Variants in UGGT2 observed in about 807,000 individuals in gnomAD.
The protein encoded by UGGT2 is UDP-glucose glycoprotein glucosyltransferase 2.
UGGT2 carries 180 observed loss-of-function variants against 192.1 expected under a neutral mutation model. The ratio of observed to expected loss-of-function variants is 0.94; its 90% CI spans 0.83 to 1.06. The LOEUF is 1.06. Ranked by LOEUF, UGGT2 falls within the 50% of genes least tolerant of loss-of-function variation. The pLI is 0.00. For synonymous variants in UGGT2, 580 were observed against 591.0 expected (o/e 0.98, Z 0.27); for missense variants, 1,849 against 1,795.7 (o/e 1.03, Z -0.54).
chr13:95,949,790 A>C (rs940596071), intron 12 of UGGT2, among the ~76,000 whole-genome samples: 3 of 152,224 alleles, frequency 2.0e-5, no homozygotes, highest in Non-Finnish European at 4.4e-5. Context: ...CAGTAAATGA[A>C]GCCCTCTCCA....
chr13:95,857,520 T>C (rs1889732465), intron 33 of UGGT2, among the ~76,000 whole-genome samples: 1 of 152,166 alleles, frequency 6.6e-6, no homozygotes. Flanking sequence ...TGTATAATTT[T>C]AGCAAATATT....
At chr13:95,903,101 A>G in intron 20 of UGGT2, 41 bp from the exon 21 acceptor site, 1 of 1,554,868 alleles carries the variant, frequency 6.4e-7, no homozygotes, top group East Asian at 2.3e-5. Context: ...AGTATCATAC[A>G]TATCATTTTA....
intron 10 of UGGT2, among the ~76,000 whole-genome samples, chr13:95,979,691 A>ATTT (rs2051054549): frequency 6.6e-6 from 1 of 152,098 alleles, no homozygotes; most frequent in South Asian, 2.1e-4. Context: ...CCTTAAATTA[A>ATTT]AAAGGACAGC....
intron 2 of UGGT2, among the ~76,000 whole-genome samples, chr13:96,031,022 T>A (rs1013877117): frequency 6.6e-6 from 1 of 152,186 alleles, no homozygotes; most frequent in South Asian, 2.1e-4. Context: ...AACAGCAAGA[T>A]TGAACCCTAA....
rs557523367 is a variant in UGGT2 at position 95,919,912 on chromosome 13, AAAG to A, written c.2295+5765_2295+5767del. Reference sequence around the variant, plus strand: ...GAATAGTCAAGCCAATCCTAAGAAAAAAGAACAAAGCTGGAGGTATCATGCTAC... The same window carrying A: ...GAATAGTCAAGCCAATCCTAAGAAAAAACAAAGCTGGAGGTATCATGCTAC... On this transcript the variant is annotated intron_variant, in intron 20 of 38. Transcript: ENST00000376747. Among the ~76,000 whole-genome samples, 399 of 152,338 alleles carry A rather than the reference AAAG, an allele frequency of 2.6e-3. 1 individual carries two copies. The highest frequency in any genetic ancestry group is 9.2e-3 in the African/African-American group (384 of 41,574).
At chr13:95,981,141 G>GT (rs1566790114) in intron 10 of UGGT2, among the ~76,000 whole-genome samples, 1 of 152,154 alleles carries the variant, frequency 6.6e-6, no homozygotes, top group East Asian at 1.9e-4. Context: ...GAGCTCTGCA[G>GT]TACCCCCAAG....
At chr13:95,891,446 C>A (rs987850373) in intron 24 of UGGT2, among the ~76,000 whole-genome samples, 3 of 151,890 alleles carry the variant, frequency 2.0e-5, no homozygotes, top group Admixed American at 6.6e-5. Flanking sequence ...TATTTTGATC[C>A]CAGTCTTCCT....
chr13:96,045,548 C>T lies in UGGT2; in HGVS notation c.158+7607G>A, dbSNP rs552677437. Among the ~76,000 whole-genome samples, 14 of 152,212 alleles carry T rather than the reference C, an allele frequency of 9.2e-5. No individual in the cohort carries two copies. The South Asian group carries it at 1.0e-3, about 11-fold the overall frequency. ...ATCAGTAAAGAGGAAGTCAAACTGT[C>T]GCTGTTAACTGATGATACGATTATA... On this transcript the variant is annotated intron_variant, in intron 1 of 38. Transcript: ENST00000376747.
At chr13:95,934,574 G>C (rs1334795242) in intron 17 of UGGT2, among the ~76,000 whole-genome samples, 1 of 152,116 alleles carries the variant, frequency 6.6e-6, no homozygotes, top group East Asian at 1.9e-4. Flanking sequence ...AAAGCACAGA[G>C]TGGCAAGTTG....
rs1566782660 is a variant in UGGT2 at position 95,974,971 on chromosome 13, C to T, written c.1093-2300G>A. Among the ~76,000 whole-genome samples, 5 of 151,920 alleles carry T rather than the reference C, an allele frequency of 3.3e-5. No homozygotes were observed. The South Asian group carries it at 1.0e-3, about 32-fold the overall frequency. ...GTGGTGCATGCCTGTAGTCCCAGTA[C>T]TCGGGAGGCTGAGGCAAGAGAATCG... On this transcript the variant is annotated intron_variant, in intron 10 of 38. Coordinates refer to ENST00000376747, the MANE Select transcript of UGGT2 (RefSeq NM_020121.4).
At chr13:95,844,308 T>C (rs1268454188) in intron 36 of UGGT2, among the ~76,000 whole-genome samples, 1 of 152,144 alleles carries the variant, frequency 6.6e-6, no homozygotes, top group African/African-American at 2.4e-5. Flanking sequence ...AATTTTAGAA[T>C]CAACTTCATT....
chr13:96,026,642 T>C (rs1411891644), intron 2 of UGGT2, among the ~76,000 whole-genome samples: 2 of 150,576 alleles, frequency 1.3e-5, no homozygotes, highest in Admixed American at 6.6e-5. Context: ...AGAATAAGCA[T>C]TGCCTCTTTC....
At chr13:96,041,637 C>T (rs2053167114) in intron 1 of UGGT2, among the ~76,000 whole-genome samples, 1 of 152,036 alleles carries the variant, frequency 6.6e-6, no homozygotes, top group African/African-American at 2.4e-5. Context: ...AAGTTCTCAG[C>T]CCTGCTCGCC....
chr13:95,936,069 C>T (rs2049453463), intron 17 of UGGT2, among the ~76,000 whole-genome samples: 1 of 152,146 alleles, frequency 6.6e-6, no homozygotes, highest in Non-Finnish European at 1.5e-5. Context: ...CTCAAGTGAT[C>T]CTCTTGAATT....
chr13:95,849,024 T>C (rs1220673144), intron 36 of UGGT2, among the ~76,000 whole-genome samples: 1 of 152,168 alleles, frequency 6.6e-6, no homozygotes, highest in Non-Finnish European at 1.5e-5. Flanking sequence ...ATTATTTTGG[T>C]GCTAATTTAA....
Position 95,896,761 on chromosome 13 carries a change from T to G in UGGT2, c.2635-1457A>C, listed in dbSNP as rs7335450. On this transcript the variant is annotated intron_variant, in intron 22 of 38. Coordinates refer to ENST00000376747, the MANE Select transcript of UGGT2 (RefSeq NM_020121.4). ...CTGAAAATTTGTGGAATAAAGTAAC[T>G]TAAATAGCATAAAATCACATAATGT... Among the ~76,000 whole-genome samples, 481 of 152,188 alleles carry G rather than the reference T, an allele frequency of 3.2e-3. 4 individuals are homozygous for G. Among genetic ancestry groups the G allele is most frequent in the African/African-American group, 0.011 (459 of 41,556 alleles).
chr13:95,974,957 C>A (rs918104452), intron 10 of UGGT2, among the ~76,000 whole-genome samples: 1 of 151,910 alleles, frequency 6.6e-6, no homozygotes, highest in Admixed American at 6.6e-5. Context: ...TGGTGCATGC[C>A]TGTAGTCCCA....
At chr13:95,851,525 G>A (rs1889035725) in intron 36 of UGGT2, among the ~76,000 whole-genome samples, 4 of 152,160 alleles carry the variant, frequency 2.6e-5, no homozygotes, top group African/African-American at 7.2e-5. Flanking sequence ...GAAAGCCAGG[G>A]ATGTCAAAGA....
chr13:95,894,103 A>ACAACAGTTCAG (rs2047880067), intron 24 of UGGT2, among the ~76,000 whole-genome samples: 1 of 152,158 alleles, frequency 6.6e-6, no homozygotes, highest in Non-Finnish European at 1.5e-5. Flanking sequence ...AGCCGGGCCT[A>ACAACAGTTCAG]CAACAGTTCA....
Sources: allele counts gnomAD v4.1 joint callset (sites outside exome capture counted in the v4.1 genomes callset), GRCh38; gene constraint gnomAD v4.1.1; transcripts MANE v1.5; gene names NCBI Gene and HGNC (gene_info 2026-07-23, HGNC 2026-07-21).